Variants in SYT1 observed in about 807,000 individuals in gnomAD.
SYT1 encodes synaptotagmin 1, also known as synaptotagmin-1.
SYT1 carries 8 observed loss-of-function variants against 44.8 expected under a neutral mutation model. That is an observed-to-expected ratio of 0.18 (90% CI 0.10 to 0.32). The LOEUF (loss-of-function observed/expected upper bound fraction) is 0.32. Among genes scored for constraint, SYT1 ranks in the 10% least tolerant of loss-of-function variants. SYT1 has a pLI of 1.00. For synonymous variants in SYT1, 154 were observed against 188.8 expected, an observed-to-expected ratio of 0.82 and a Z score of 1.51; for missense variants, 286 against 509.3, an observed-to-expected ratio of 0.56 and a Z score of 4.22.
chr12:78,882,169 G>A (rs1874495182), intron 1 of SYT1, among the ~76,000 whole-genome samples: 1 of 151,736 alleles, frequency 6.6e-6, no homozygotes, highest in Non-Finnish European at 1.5e-5. Flanking sequence ...AACGTTTGCT[G>A]AATGAATGGG....
intron 1 of SYT1, among the ~76,000 whole-genome samples, chr12:78,896,632 AAC>A (rs750491800): frequency 2.0e-4 from 30 of 151,804 alleles, no homozygotes; most frequent in Non-Finnish European, 2.8e-4. Flanking sequence ...TCCTCATGTA[AAC>A]AGAGACTTTA....
intron 4 of SYT1, among the ~76,000 whole-genome samples, chr12:79,277,769 C>A (rs1308723369): frequency 6.6e-6 from 1 of 151,852 alleles, no homozygotes; most frequent in African/African-American, 2.4e-5. Flanking sequence ...CTTCAAGAGA[C>A]CAACTTAACA....
intron 3 of SYT1, among the ~76,000 whole-genome samples, chr12:79,145,724 T>A (rs888411944): frequency 6.6e-6 from 1 of 151,926 alleles, no homozygotes. Flanking sequence ...GAACCCAAGA[T>A]TTAAACATAG....
Position 79,412,468 on chromosome 12 carries a change from T to C in SYT1, c.929-31605T>C, listed in dbSNP as rs2136137100. Among the ~76,000 whole-genome samples, 2 of 152,186 alleles carry C rather than the reference T, an allele frequency of 1.3e-5. 1 individual carries two copies. The highest frequency in any genetic ancestry group is 4.2e-4 in the South Asian group (2 of 4,816). On this transcript the variant is annotated intron_variant, in intron 9 of 10. Coordinates refer to ENST00000261205, the MANE Select transcript of SYT1 (RefSeq NM_005639.3). ...TTTTTCTATGTATTGGGAGACTACT[T>C]TCCCTGGGGCTGGCTGCAACCAATT...
intron 3 of SYT1, among the ~76,000 whole-genome samples, chr12:79,213,589 T>A (rs555261178): frequency 2.0e-5 from 3 of 152,232 alleles, no homozygotes; most frequent in African/African-American, 7.2e-5. Context: ...GAGTAGAATA[T>A]CTTTTTTTCT....
intron 2 of SYT1, among the ~76,000 whole-genome samples, chr12:79,023,984 G>A (rs1303809841): frequency 6.6e-6 from 1 of 151,760 alleles, no homozygotes; most frequent in East Asian, 1.9e-4. Flanking sequence ...GATGCAATAG[G>A]ATTACCTAAC....
At chr12:79,188,369 A>C (rs1565846614) in intron 3 of SYT1, among the ~76,000 whole-genome samples, 5 of 152,152 alleles carry the variant, frequency 3.3e-5, no homozygotes, top group Admixed American at 2.0e-4. Flanking sequence ...TTTAGAATTC[A>C]GATCTATGAT....
intron 8 of SYT1, chr12:79,341,260 C>A (rs966936175): frequency 2.6e-5 from 4 of 152,044 alleles, no homozygotes; most frequent in African/African-American, 9.7e-5. Flanking sequence ...GCTACAATAA[C>A]AAATAGGCCC....
intron 2 of SYT1, among the ~76,000 whole-genome samples, chr12:79,020,889 G>A (rs1420937671): frequency 1.3e-5 from 2 of 151,880 alleles, no homozygotes; most frequent in African/African-American, 4.8e-5. Flanking sequence ...ACTCCAAAGG[G>A]CTTCAAGAAG....
intron 3 of SYT1, among the ~76,000 whole-genome samples, chr12:79,135,325 T>C (rs946193197): frequency 1.4e-5 from 2 of 147,628 alleles, no homozygotes; most frequent in East Asian, 4.3e-4. Context: ...CATTGTTCAA[T>C]TCCCACCTAT....
chr12:78,904,302 A>T (rs1875833330), intron 1 of SYT1, among the ~76,000 whole-genome samples: 1 of 152,132 alleles, frequency 6.6e-6, no homozygotes, highest in Non-Finnish European at 1.5e-5. Context: ...GTTACATGTG[A>T]TTTATCCATT....
chr12:79,169,821 T>C (rs906540394), intron 3 of SYT1, among the ~76,000 whole-genome samples: 1 of 152,058 alleles, frequency 6.6e-6, no homozygotes, highest in African/African-American at 2.4e-5. Flanking sequence ...TACCCATTAG[T>C]TATTTTTCCT....
intron 1 of SYT1, among the ~76,000 whole-genome samples, chr12:78,884,884 T>C (rs953653595): frequency 6.6e-6 from 1 of 151,902 alleles, no homozygotes; most frequent in African/African-American, 2.4e-5. Context: ...TTAATAATAA[T>C]AGTTTATATG....
intron 1 of SYT1, among the ~76,000 whole-genome samples, chr12:78,890,280 G>A (rs903097105): frequency 6.6e-5 from 10 of 151,838 alleles, no homozygotes; most frequent in Non-Finnish European, 7.4e-5. Flanking sequence ...TCATATTAGA[G>A]ATGAATTTCC....
intron 1 of SYT1, among the ~76,000 whole-genome samples, chr12:78,883,327 G>A (rs962272254): frequency 6.6e-6 from 1 of 151,578 alleles, no homozygotes; most frequent in Non-Finnish European, 1.5e-5. Context: ...AAAATCTTTG[G>A]TGGATATCAC....
chr12:79,318,746 G>A (rs1358791949), intron 8 of SYT1, among the ~76,000 whole-genome samples: 1 of 152,110 alleles, frequency 6.6e-6, no homozygotes, highest in African/African-American at 2.4e-5. Context: ...TTAACGTTCT[G>A]CTAGTGTTTT....
At chr12:78,977,582 T>C (rs1403600576) in intron 1 of SYT1, 1 of 152,220 alleles carries the variant, frequency 6.6e-6, no homozygotes, top group East Asian at 1.9e-4. Context: ...TTCTTCTAGA[T>C]TTTTTTAAAA....
chr12:79,290,300 G>C (rs1879516305), intron 5 of SYT1, among the ~76,000 whole-genome samples: 1 of 152,140 alleles, frequency 6.6e-6, no homozygotes, highest in African/African-American at 2.4e-5. Flanking sequence ...AATCAAATTG[G>C]AGTTAACCGG....
intron 3 of SYT1, among the ~76,000 whole-genome samples, chr12:79,130,807 G>A (rs1427905930): frequency 6.6e-6 from 1 of 152,094 alleles, no homozygotes; most frequent in Non-Finnish European, 1.5e-5. Context: ...TCTTCTGCTA[G>A]CCTCCATGAA....
Sources: gnomAD v4.1 joint callset for allele counts (sites outside exome capture counted in the v4.1 genomes callset) on GRCh38, gnomAD v4.1.1 for gene constraint, MANE v1.5 for transcripts, NCBI Gene and HGNC (gene_info 2026-07-23, HGNC 2026-07-21) for gene names.